The following FAM200B variants were observed in gnomAD, a reference collection of about 807,000 sequenced individuals.
FAM200B encodes the protein zinc finger BED-type containing 11.
FAM200B carries 32 observed loss-of-function variants against 33.1 expected under a neutral mutation model. The ratio of observed to expected loss-of-function variants is 0.97; its 90% CI spans 0.73 to 1.30. The LOEUF (loss-of-function observed/expected upper bound fraction) is 1.30. FAM200B is among the 50% of genes most tolerant of loss of function. The pLI is 0.00. For missense variants in FAM200B, 741 were observed against 754.0 expected (o/e 0.98, Z 0.20); for synonymous variants, 240 against 264.8 (o/e 0.91, Z 0.91).
At chr4:15,684,765 G>A (rs1175087098) in intron 1 of FAM200B, 1 of 152,138 alleles carries the variant, frequency 6.6e-6, no homozygotes, top group Non-Finnish European at 1.5e-5. Flanking sequence ...ACATGCAAGA[G>A]GTATGTACCA....
the FAM200B span, among the ~76,000 whole-genome samples, chr4:15,647,998 C>T: frequency 1.3e-5 from 2 of 152,168 alleles, no homozygotes; most frequent in African/African-American, 4.8e-5. Context: ...GCTGGAACTA[C>T]AGGTGTGGTG....
chr4:15,679,766 T>TAA (rs553579071), upstream of FAM200B, among the ~76,000 whole-genome samples: 17 of 142,862 alleles, frequency 1.2e-4, no homozygotes, highest in Admixed American at 2.8e-4. Flanking sequence ...CCAATCCCCC[T>TAA]AAAAAAAAAA....
the FAM200B span, among the ~76,000 whole-genome samples, chr4:15,653,519 T>C: frequency 6.6e-6 from 1 of 152,124 alleles, no homozygotes; most frequent in South Asian, 2.1e-4. Context: ...CCTAGGAAAA[T>C]GGACACACGC....
At chr4:15,663,907 T>C in the FAM200B span, among the ~76,000 whole-genome samples, 24 of 152,226 alleles carry the variant, frequency 1.6e-4, no homozygotes, top group African/African-American at 5.3e-4. Flanking sequence ...CAAACAAACC[T>C]GAGTGCAAGT....
At chr4:15,637,925 C>T in the FAM200B span, among the ~76,000 whole-genome samples, 2 of 147,050 alleles carry the variant, frequency 1.4e-5, no homozygotes, top group Admixed American at 1.4e-4. Flanking sequence ...AAAGGCAGCA[C>T]GTTTTATTTG....
chr4:15,641,566 T>A, the FAM200B span: 1 of 455,774 alleles, frequency 2.2e-6, no homozygotes, highest in Non-Finnish European at 4.4e-6. Context: ...ATATAATACA[T>A]GAAATAATTG....
At chr4:15,653,304 G>A in the FAM200B span, among the ~76,000 whole-genome samples, 488 of 152,158 alleles carry the variant, frequency 3.2e-3, 1 homozygote, top group Non-Finnish European at 6.0e-3. Flanking sequence ...AAGACTCTTG[G>A]CTCAGATATC....
the FAM200B span, among the ~76,000 whole-genome samples, chr4:15,645,309 A>T: frequency 6.6e-6 from 1 of 152,178 alleles, no homozygotes; most frequent in African/African-American, 2.4e-5. Flanking sequence ...CTTCTATAAA[A>T]AGTAGTGCGG....
In FAM200B at chr4:15,688,160, C is replaced by T. The variant is rs774408066; in HGVS notation, c.1183C>T (p.Leu395=). Residue 395 remains leucine, a synonymous_variant, in exon 2 of 2, where the codon CTA becomes TTA. Transcript: ENST00000422728. ...KIRWLSQGKI[L]SRVYELRNEI... ...TCGTTGGTTGTCTCAAGGGAAAATA[C>T]TAAGCAGGGTTTATGAGCTCAGGAA... 6.4e-7 allele frequency: 1 copy of T among 1,551,086 alleles called. No individual in the cohort carries two copies. The highest frequency in any genetic ancestry group is 1.2e-5 in the South Asian group (1 of 84,056).
In FAM200B at chr4:15,688,803, G is replaced by A; in HGVS notation, c.1826G>A (p.Ser609Asn). Residue 609 changes from serine to asparagine, a missense_variant, in exon 2 of 2, where the codon AGT becomes AAT. By Grantham distance (46) the Ser-to-Asn change is conservative (BLOSUM62 1). Transcript: ENST00000422728. The stretch of plus-strand genomic sequence containing the variant: ...CTATTGCTACCATTCACAACAACTA[G>A]TTTGTGTGAACTAGGGTTTTCCATC... ...VLLLLPFTTT[S>N]LCELGFSILT... 1 of 1,551,420 alleles carries A rather than the reference G, an allele frequency of 6.4e-7. No homozygotes were observed. Among genetic ancestry groups the A allele is most frequent in the Non-Finnish European group, 8.7e-7 (1 of 1,146,834 alleles).
rs1295004140 is a variant in FAM200B, at chr4:15,687,821, G to C, written c.844G>C (p.Gly282Arg). The change falls in exon 2 of 2, where the codon GGC (glycine) becomes CGC (arginine). Residue 282 changes from glycine to arginine, a missense_variant. Gly to Arg is a moderately radical substitution (Grantham distance 125, BLOSUM62 -2). Transcript: ENST00000422728. ...IFTELERRIV[G>R]QYKLNWKNCK... Reference sequence around the variant, plus strand: ...TACAGAATTAGAAAGGCGCATAGTTGGCCAATATAAATTAAACTGGAAAAA... The same window carrying C: ...TACAGAATTAGAAAGGCGCATAGTTCGCCAATATAAATTAAACTGGAAAAA... The C allele has an allele frequency of 6.4e-7, 1 of 1,551,024 alleles. No homozygotes were observed. Among genetic ancestry groups the C allele is most frequent in the South Asian group, 1.2e-5 (1 of 84,034 alleles).
At chr4:15,652,995 T>C in the FAM200B span, among the ~76,000 whole-genome samples, 243 of 152,342 alleles carry the variant, frequency 1.6e-3, no homozygotes, top group African/African-American at 5.6e-3. Context: ...TTAAGATTAC[T>C]GAACCATTAC....
At chr4:15,655,357 C>T in the FAM200B span, 17 of 1,193,586 alleles carry the variant, frequency 1.4e-5, 1 homozygote, top group South Asian at 3.3e-4. Flanking sequence ...CGCCGCGGGG[C>T]AGAGGCGGCG....
intron 1 of FAM200B, among the ~76,000 whole-genome samples, chr4:15,685,931 A>G (rs1413134122): frequency 3.3e-5 from 5 of 152,152 alleles, no homozygotes; most frequent in Non-Finnish European, 5.9e-5. Context: ...GCAAAAAGGA[A>G]GTATGTATGG....
the FAM200B span, among the ~76,000 whole-genome samples, chr4:15,642,167 A>G: frequency 6.6e-6 from 1 of 152,096 alleles, no homozygotes; most frequent in Non-Finnish European, 1.5e-5. Flanking sequence ...CTTCTTCCTC[A>G]TAACCTAAAA....
the FAM200B span, among the ~76,000 whole-genome samples, chr4:15,665,123 T>C: frequency 6.6e-6 from 1 of 152,156 alleles, no homozygotes; most frequent in Non-Finnish European, 1.5e-5. Context: ...GTCTCTCCCA[T>C]TCTTCCTCGA....
Position 15,687,469 on chromosome 4 carries a change from C to T in FAM200B, c.492C>T (p.Asn164=). ...GTGTGGCAAAAGAGAAAATAGCTAA[C>T]ACAGCTGCTGAAAAAATTATTCTTC... ...AYRVAKEKIA[N]TAAEKIILPA... is the part of the protein sequence containing the mutation. The change falls in exon 2 of 2, where the codon AAC becomes AAT. Residue 164 remains asparagine, a synonymous_variant. Transcript: ENST00000422728. 6.4e-7 allele frequency: 1 copy of T among 1,551,120 alleles called. No individual in the cohort carries two copies. The highest frequency in any genetic ancestry group is 1.2e-5 in the South Asian group (1 of 84,054).
chr4:15,679,392 T>C (rs1718116909), upstream of FAM200B, among the ~76,000 whole-genome samples: 1 of 152,020 alleles, frequency 6.6e-6, no homozygotes, highest in Admixed American at 6.6e-5. Context: ...ATCCATCCAG[T>C]AGAAAAAACT....
At chr4:15,651,059 C>T in the FAM200B span, among the ~76,000 whole-genome samples, 2 of 152,104 alleles carry the variant, frequency 1.3e-5, no homozygotes, top group South Asian at 2.1e-4. Context: ...GATAAGAAAA[C>T]GGCATAACAA....
Sources: gnomAD v4.1 joint callset for allele counts (sites outside exome capture counted in the v4.1 genomes callset) on GRCh38, gnomAD v4.1.1 for gene constraint, MANE v1.5 for transcripts, NCBI Gene and HGNC (gene_info 2026-07-23, HGNC 2026-07-21) for gene names.